The following CDON variants were observed in gnomAD, a reference collection of about 807,000 sequenced individuals.
CDON encodes the protein cell adhesion molecule-related/down-regulated by oncogenes.
Under a neutral mutation model 120.9 loss-of-function variants are expected in CDON, and 73 were observed. That is an observed-to-expected ratio of 0.60 (90% CI 0.50 to 0.73). CDON has a LOEUF of 0.73. Ranked by LOEUF, CDON falls within the 30% of genes least tolerant of loss-of-function variation. The pLI, the probability that CDON is intolerant of heterozygous loss-of-function variation, is 0.00. For missense variants in CDON, 1,470 were observed against 1,587.3 expected (o/e 0.93, Z 1.26); for synonymous variants, 566 against 573.5 (o/e 0.99, Z 0.19).
rs1945566632 is a variant in CDON, at chr11:125,958,982, GCT to G, written c.*1958_*1959del. 1 of 152,142 alleles carries G rather than the reference GCT, an allele frequency of 6.6e-6. No homozygotes were observed. Among genetic ancestry groups the G allele is most frequent in the Non-Finnish European group, 1.5e-5 (1 of 68,040 alleles). 9.4% of individuals were successfully genotyped at this position (152,142 alleles called of 1,614,324 possible). A position where few individuals can be genotyped will look rare whatever the true frequency, so the allele number is the denominator to read the frequency against. On this transcript the variant is annotated 3_prime_UTR_variant, in exon 20 of 20. Transcript: ENST00000531738. ...GCTAGTCACAGAAGTAAGGGATGCA[GCT>G]ATCCCCCTCCAGAGCTAACTGCATT...
rs983884085 is a variant in CDON, at chr11:126,005,891, G to A, written c.1719C>T (p.Gly573=). The A allele has an allele frequency of 6.2e-7, 1 of 1,614,156 alleles. No homozygotes were observed. The highest frequency in any genetic ancestry group is 2.2e-5 in the East Asian group (1 of 44,868). The change falls in exon 9 of 20, where the codon GGC becomes GGT. Residue 573 remains glycine, a synonymous_variant. Transcript: ENST00000531738. ...VESAPEKNAS[G]ISVPDAPIIL... Reference sequence around the variant, plus strand: ...TGATGGGGGCATCAGGAACAGAGATGCCGCTGGCGTTTTTCTCTGGTGCTG... The same window carrying A: ...TGATGGGGGCATCAGGAACAGAGATACCGCTGGCGTTTTTCTCTGGTGCTG...
chr11:126,007,019 G>A (rs1271299022), intron 8 of CDON, among the ~76,000 whole-genome samples: 1 of 152,056 alleles, frequency 6.6e-6, no homozygotes, highest in Non-Finnish European at 1.5e-5. Context: ...AAAATAATAA[G>A]AAAGAACAAT....
At chr11:125,995,585 C>T (rs1318417426) in intron 12 of CDON, among the ~76,000 whole-genome samples, 1 of 152,174 alleles carries the variant, frequency 6.6e-6, no homozygotes, top group Non-Finnish European at 1.5e-5. Context: ...GATTTAACTA[C>T]TGTGGAAGGA....
At chr11:126,046,816 G>A (rs941005802) in intron 1 of CDON, among the ~76,000 whole-genome samples, 5 of 152,164 alleles carry the variant, frequency 3.3e-5, no homozygotes, top group African/African-American at 1.2e-4. Context: ...CTGCTCTGGT[G>A]ACCCCACTTC....
At chr11:125,987,315 C>T (rs1946496565) in intron 15 of CDON, among the ~76,000 whole-genome samples, 1 of 152,170 alleles carries the variant, frequency 6.6e-6, no homozygotes. Flanking sequence ...AAAGAAACAT[C>T]ACAGCAGTCT....
intron 1 of CDON, among the ~76,000 whole-genome samples, chr11:126,044,167 C>T (rs2134857769): frequency 6.6e-6 from 1 of 152,312 alleles, no homozygotes; most frequent in East Asian, 1.9e-4. Flanking sequence ...AAAGCAGGAA[C>T]ACACATACTG....
intron 12 of CDON, among the ~76,000 whole-genome samples, chr11:125,996,492 A>T (rs919291276): frequency 7.9e-5 from 12 of 151,960 alleles, no homozygotes; most frequent in African/African-American, 2.9e-4. Context: ...TGAGGTCAGG[A>T]GTTTGAGACC....
chr11:126,052,229 T>C (rs879358761), intron 1 of CDON, among the ~76,000 whole-genome samples: 29 of 152,166 alleles, frequency 1.9e-4, no homozygotes, highest in Non-Finnish European at 3.7e-4. Context: ...AACCAAAATA[T>C]AAAATAATTT....
chr11:125,995,658 G>A (rs1591366168), intron 12 of CDON, among the ~76,000 whole-genome samples: 2 of 152,092 alleles, frequency 1.3e-5, no homozygotes, highest in Non-Finnish European at 2.9e-5. Context: ...TCTGAAAATC[G>A]GAACCTAAAG....
intron 1 of CDON, among the ~76,000 whole-genome samples, chr11:126,047,576 A>G (rs1948435857): frequency 6.6e-6 from 1 of 152,360 alleles, no homozygotes; most frequent in East Asian, 1.9e-4. Flanking sequence ...AACTGCTCGC[A>G]TGCAGTAAGT....
intron 1 of CDON, among the ~76,000 whole-genome samples, chr11:126,041,119 G>A (rs184626228): frequency 5.4e-4 from 81 of 151,246 alleles, no homozygotes; most frequent in African/African-American, 1.5e-3. Flanking sequence ...AACCTGGGAG[G>A]CAGAGGAGGT....
intron 14 of CDON, among the ~76,000 whole-genome samples, chr11:125,993,216 C>T (rs976456595): frequency 6.6e-6 from 1 of 152,130 alleles, no homozygotes; most frequent in Non-Finnish European, 1.5e-5. Context: ...TTGTGGACTC[C>T]ATTCATACAT....
intron 14 of CDON, among the ~76,000 whole-genome samples, chr11:125,992,838 G>T (rs1946669117): frequency 6.6e-6 from 1 of 152,134 alleles, no homozygotes; most frequent in African/African-American, 2.4e-5. Flanking sequence ...TTGGCCTATG[G>T]CAATTTTCTG....
chr11:125,986,747 CAG>C (rs1946476105), intron 15 of CDON, among the ~76,000 whole-genome samples: 1 of 147,380 alleles, frequency 6.8e-6, no homozygotes, highest in Admixed American at 6.8e-5. Context: ...CCCTGGGCGA[CAG>C]AGTGAGACTC....
Position 126,034,818 on chromosome 11 carries a change from T to C in CDON, c.-61-11281A>G, listed in dbSNP as rs1395552118. Among the ~76,000 whole-genome samples the C allele has an allele frequency of 2.6e-5, 4 of 152,236 alleles. No individual in the cohort carries two copies. Among genetic ancestry groups the C allele is most frequent in the African/African-American group, 9.6e-5 (4 of 41,462 alleles). ...ACACTTCCACAAATCCAGCACTTGGTAGCTTTTCAAGTTTGTCACTGGAAT... is the reference window on the plus strand; with the variant it reads ...ACACTTCCACAAATCCAGCACTTGGCAGCTTTTCAAGTTTGTCACTGGAAT... On this transcript the variant is annotated intron_variant, in intron 1 of 19. Transcript: ENST00000531738. The surrounding 1 kb of genome is among the most constrained non-coding windows in gnomAD (Gnocchi z 4.5).
chr11:126,029,293 G>A (rs1947886770), intron 1 of CDON, among the ~76,000 whole-genome samples: 2 of 152,138 alleles, frequency 1.3e-5, no homozygotes. Flanking sequence ...ATCAAACCTT[G>A]TCAATCCTTG....
At chr11:126,053,882 G>C (rs1948627457) in intron 1 of CDON, among the ~76,000 whole-genome samples, 1 of 151,854 alleles carries the variant, frequency 6.6e-6, no homozygotes, top group African/African-American at 2.4e-5. Context: ...TATTCACTGT[G>C]TTGTTGTTTT....
intron 18 of CDON, among the ~76,000 whole-genome samples, chr11:125,974,692 C>T (rs1946105689): frequency 6.6e-6 from 1 of 152,108 alleles, no homozygotes; most frequent in African/African-American, 2.4e-5. Flanking sequence ...TTGGATAGAA[C>T]TTAAAATGGT....
In CDON at chr11:125,960,579, C is replaced by A. The variant is rs1945614790; in HGVS notation, c.*363G>T. 3.9e-6 allele frequency: 1 copy of A among 255,818 alleles called. No individual in the cohort carries two copies. The allele number at this position is 255,818 out of a possible 1,614,324, so 15.8% of individuals were successfully genotyped here. A position where few individuals can be genotyped will look rare whatever the true frequency, so the allele number is the denominator to read the frequency against. On this transcript the variant is annotated 3_prime_UTR_variant, in exon 20 of 20. Transcript: ENST00000531738. ...AGCTGGTGGCAACCTTCAACGGGCC[C>A]CTGCATTCCCTCCTAGCCGAAGCAG...
Sources: gnomAD v4.1 joint callset for allele counts (sites outside exome capture counted in the v4.1 genomes callset) on GRCh38, gnomAD v4.1.1 for gene constraint, Gnocchi (gnomAD v3.1) non-coding constraint, MANE v1.5 for transcripts, NCBI Gene and HGNC (gene_info 2026-07-23, HGNC 2026-07-21) for gene names.